The following LUZP2 variants were observed in gnomAD, a reference collection of about 807,000 sequenced individuals.
LUZP2 encodes leucine zipper protein 2.
In LUZP2, 52 loss-of-function variants were observed where a neutral mutation model predicts 51.6. That is an observed-to-expected ratio of 1.01 (90% CI 0.81 to 1.27). The LOEUF (loss-of-function observed/expected upper bound fraction) is 1.27. Ranked by LOEUF, LUZP2 falls within the 50% of genes most tolerant of loss-of-function variation. The pLI, the probability that LUZP2 is intolerant of heterozygous loss-of-function variation, is 0.00. For synonymous variants in LUZP2, 154 were observed against 137.3 expected, an observed-to-expected ratio of 1.12 and a Z score of -0.85; for missense variants, 436 against 395.4, an observed-to-expected ratio of 1.10 and a Z score of -0.87.
chr11:24,797,474 C>T (rs1849578427), intron 5 of LUZP2, among the ~76,000 whole-genome samples: 1 of 152,144 alleles, frequency 6.6e-6, no homozygotes. Flanking sequence ...AATTATCCCT[C>T]CCATTTCACA....
chr11:24,613,956 C>T (rs4923197), intron 1 of LUZP2, among the ~76,000 whole-genome samples: 53,345 of 151,704 alleles, frequency 0.35, 9,493 homozygotes, highest in Middle Eastern at 0.43. Context: ...CACAGTTAAC[C>T]GCCAACTCTT....
chr11:24,628,429 A>G (rs1332497092), intron 1 of LUZP2, among the ~76,000 whole-genome samples: 3 of 152,198 alleles, frequency 2.0e-5, no homozygotes, highest in African/African-American at 4.8e-5. Context: ...AAGACTTCAA[A>G]TGAGATCATA....
At chr11:24,834,402 A>G (rs969726733) in intron 5 of LUZP2, among the ~76,000 whole-genome samples, 3 of 152,192 alleles carry the variant, frequency 2.0e-5, no homozygotes, top group Non-Finnish European at 4.4e-5. Flanking sequence ...AGCTCCATCC[A>G]TGTCCCTGCA....
chr11:25,008,863 G>A (rs573306793), intron 9 of LUZP2, among the ~76,000 whole-genome samples: 8 of 152,086 alleles, frequency 5.3e-5, no homozygotes, highest in Non-Finnish European at 1.2e-4. Flanking sequence ...GCCCATGGGC[G>A]GGCCTGGGAA....
At chr11:24,967,394 G>A (rs1333137878) in intron 7 of LUZP2, among the ~76,000 whole-genome samples, 2 of 151,614 alleles carry the variant, frequency 1.3e-5, no homozygotes, top group Non-Finnish European at 3.0e-5. Flanking sequence ...TCTTAGTAAT[G>A]TTTTGTAATT....
chr11:24,878,614 T>C (rs1051097856), intron 5 of LUZP2, among the ~76,000 whole-genome samples: 8 of 152,020 alleles, frequency 5.3e-5, no homozygotes, highest in African/African-American at 1.9e-4. Flanking sequence ...TTTTCTGTTA[T>C]TATCCCTTTT....
Position 24,821,166 on chromosome 11 carries a change from A to G in LUZP2, c.396+57858A>G, listed in dbSNP as rs1276186338. Among the ~76,000 whole-genome samples the G allele has an allele frequency of 2.0e-5, 3 of 152,164 alleles. No homozygotes were observed. The South Asian group carries it at 6.2e-4, about 31-fold the overall frequency. On this transcript the variant is annotated intron_variant, in intron 5 of 11. Transcript: ENST00000336930. ...ACACAGCATATAGTTTGCTTTATGT[A>G]GCTGTCTTCTTGTTCGATAAGGGGC...
At chr11:24,864,244 T>A (rs1429672215) in intron 5 of LUZP2, among the ~76,000 whole-genome samples, 1 of 152,176 alleles carries the variant, frequency 6.6e-6, no homozygotes, top group African/African-American at 2.4e-5. Context: ...GTAGACTCTA[T>A]AATGTCTTCA....
chr11:24,638,836 A>T (rs936170013), intron 1 of LUZP2, among the ~76,000 whole-genome samples: 43 of 151,768 alleles, frequency 2.8e-4, no homozygotes, highest in African/African-American at 1.0e-3. Context: ...ATGGAAAATG[A>T]ATCACAGATA....
chr11:24,601,713 A>C (rs943196703), intron 1 of LUZP2, among the ~76,000 whole-genome samples: 2 of 151,264 alleles, frequency 1.3e-5, no homozygotes, highest in Non-Finnish European at 3.0e-5. Context: ...AATTCCATTT[A>C]CTGCTAGCAT....
At chr11:24,978,408 T>C (rs1855938574) in intron 8 of LUZP2, among the ~76,000 whole-genome samples, 1 of 151,784 alleles carries the variant, frequency 6.6e-6, no homozygotes, top group Non-Finnish European at 1.5e-5. Flanking sequence ...GTACAGTCGC[T>C]GCAATATTGT....
At chr11:24,970,507 G>A (rs995307330) in intron 7 of LUZP2, among the ~76,000 whole-genome samples, 3 of 152,126 alleles carry the variant, frequency 2.0e-5, no homozygotes, top group South Asian at 4.1e-4. Context: ...TTTAAAAATT[G>A]TATCAAAGAG....
chr11:24,693,056 A>G (rs1314751552), intron 1 of LUZP2, among the ~76,000 whole-genome samples: 2 of 151,896 alleles, frequency 1.3e-5, no homozygotes, highest in Admixed American at 6.6e-5. Flanking sequence ...TTTTGCTACC[A>G]TACCAGGTAC....
At chr11:24,831,375 ACTT>A (rs910039236) in intron 5 of LUZP2, among the ~76,000 whole-genome samples, 13 of 152,172 alleles carry the variant, frequency 8.5e-5, no homozygotes, top group African/African-American at 1.9e-4. Context: ...CTTCTGTAGG[ACTT>A]CTTCTTGAAA....
chr11:24,970,487 A>C (rs1855711221), intron 7 of LUZP2, among the ~76,000 whole-genome samples: 1 of 152,202 alleles, frequency 6.6e-6, no homozygotes, highest in Non-Finnish European at 1.5e-5. Context: ...AAAGGGGTGA[A>C]GGGAGAATTT....
chr11:24,700,244 A>T (rs2133908083), intron 1 of LUZP2, among the ~76,000 whole-genome samples: 1 of 151,932 alleles, frequency 6.6e-6, no homozygotes, highest in South Asian at 2.1e-4. Context: ...TTGTATTTTT[A>T]GTAGAGACAG....
intron 1 of LUZP2, among the ~76,000 whole-genome samples, chr11:24,535,913 A>G (rs10834372): frequency 0.42 from 63,641 of 151,406 alleles, 13,919 homozygotes; most frequent in African/African-American, 0.52. Context: ...TGTTTTTTTT[A>G]AATAATAAGA....
chr11:24,896,192 C>T (rs1393765074), intron 5 of LUZP2, among the ~76,000 whole-genome samples: 2 of 152,242 alleles, frequency 1.3e-5, no homozygotes, highest in African/African-American at 4.8e-5. Flanking sequence ...TGACCACGCT[C>T]GAGGAGCCCT....
intron 5 of LUZP2, among the ~76,000 whole-genome samples, chr11:24,836,802 A>G (rs924788736): frequency 8.6e-5 from 13 of 151,810 alleles, no homozygotes; most frequent in African/African-American, 2.7e-4. Context: ...ACATTTCACA[A>G]TAATAAACAT....
Sources: allele counts gnomAD v4.1 joint callset (sites outside exome capture counted in the v4.1 genomes callset), GRCh38; gene constraint gnomAD v4.1.1; transcripts MANE v1.5; gene names NCBI Gene and HGNC (gene_info 2026-07-23, HGNC 2026-07-21).